The following NXN variants were observed in gnomAD, a reference collection of about 807,000 sequenced individuals.
The protein encoded by NXN is nucleoredoxin.
NXN carries 16 observed loss-of-function variants against 48.6 expected under a neutral mutation model. The observed-to-expected ratio is 0.33, with a 90% CI of 0.22 to 0.50. The LOEUF (loss-of-function observed/expected upper bound fraction) is 0.50. Among genes scored for constraint, NXN ranks in the 20% least tolerant of loss-of-function variants. The pLI, the probability that NXN is intolerant of heterozygous loss-of-function variation, is 0.98. For missense variants in NXN, 492 were observed against 605.5 expected (o/e 0.81, Z 1.97); for synonymous variants, 281 against 269.6 (o/e 1.04, Z -0.41).
In NXN at chr17:800,826, A is replaced by G. The variant is rs944970730; in HGVS notation, c.*123T>C. The G allele has an allele frequency of 1.2e-5, 7 of 572,918 alleles. No individual in the cohort carries two copies. In the Admixed American group the frequency reaches 2.9e-4, roughly 24 times the overall value. 35.5% of individuals were successfully genotyped at this position (572,918 alleles called of 1,614,324 possible). A position where few individuals can be genotyped will look rare whatever the true frequency, so the allele number is the denominator to read the frequency against. On this transcript the variant is annotated 3_prime_UTR_variant, in exon 8 of 8. Transcript: ENST00000336868. ...GTTTACTGCAGAAACAAGGCACCAC[A>G]GAGAGGCTGGACACTTGGGTGGTGG...
At chr17:812,094 A>G (rs1041055674) in intron 5 of NXN, among the ~76,000 whole-genome samples, 1 of 150,284 alleles carries the variant, frequency 6.7e-6, no homozygotes, top group Admixed American at 6.6e-5. Flanking sequence ...CGCCTGGCTA[A>G]TTTTTTGTAT....
At chr17:836,077 C>CG (rs1286871045) in intron 1 of NXN, among the ~76,000 whole-genome samples, 2 of 117,930 alleles carry the variant, frequency 1.7e-5, no homozygotes, top group South Asian at 5.8e-4. Flanking sequence ...ACAGAGGCCG[C>CG]GGGGAAAAAA....
intron 1 of NXN, among the ~76,000 whole-genome samples, chr17:889,196 AGCCCAGC>A (rs2068382436): frequency 6.6e-6 from 1 of 152,138 alleles, no homozygotes. Context: ...CAGAGCAGAA[AGCCCAGC>A]GCCTGCACGT....
At chr17:872,305 T>A (rs669502) in intron 1 of NXN, among the ~76,000 whole-genome samples, 84,496 of 143,128 alleles carry the variant, frequency 0.59, 25,909 homozygotes, top group African/African-American at 0.83. Flanking sequence ...AATCAAAGAC[T>A]AGGAGAGAGA....
chr17:840,365 A>C (rs1002962205), intron 1 of NXN, among the ~76,000 whole-genome samples: 1 of 151,110 alleles, frequency 6.6e-6, no homozygotes, highest in Admixed American at 6.6e-5. Context: ...CTTGAGACGG[A>C]GTCTCGCTCT....
At chr17:818,884 C>CAAAAAAAAAAAAAAAAAA (rs1229405533) in intron 5 of NXN, among the ~76,000 whole-genome samples, 1 of 140,066 alleles carries the variant, frequency 7.1e-6, no homozygotes, top group African/African-American at 2.7e-5. Flanking sequence ...GACTCCGTCT[C>CAAAAAAAAAAAAAAAAAA]AAAAAAAAAA....
At chr17:882,460 GTTTGT>G (rs140223930) in intron 1 of NXN, among the ~76,000 whole-genome samples, 25 of 151,228 alleles carry the variant, frequency 1.7e-4, no homozygotes, top group Middle Eastern at 3.4e-3. Context: ...GGTTTCTTTT[GTTTGT>G]TTTGTTTTGT....
At chr17:847,207 T>C (rs1442319686) in intron 1 of NXN, among the ~76,000 whole-genome samples, 1 of 151,650 alleles carries the variant, frequency 6.6e-6, no homozygotes, top group Non-Finnish European at 1.5e-5. Context: ...TCCTATTTGA[T>C]TGTTATTTCA....
chr17:945,820 G>C lies in NXN; in HGVS notation c.360+33499C>G, dbSNP rs374839250. Among the ~76,000 whole-genome samples the C allele has an allele frequency of 1.2e-4, 18 of 152,242 alleles. 1 individual carries two copies. Among genetic ancestry groups the C allele is most frequent in the African/African-American group, 4.1e-4 (17 of 41,542 alleles). On this transcript the variant is annotated intron_variant, in intron 1 of 7. Transcript: ENST00000336868. ...TGCTTATCTCTCTCCTGAATCCAGA[G>C]TATTCTGCCCTTCACAGAAGTGCTG...
intron 1 of NXN, 42 bp downstream of exon 1, chr17:979,277 C>T (rs781288969): frequency 1.3e-5 from 10 of 796,214 alleles, no homozygotes; most frequent in Admixed American, 5.6e-5. Context: ...GGGTAACGGG[C>T]GTGGGGGGCG....
chr17:923,780 G>A (rs573841725), intron 1 of NXN, among the ~76,000 whole-genome samples: 10 of 152,304 alleles, frequency 6.6e-5, no homozygotes, highest in African/African-American at 9.6e-5. Context: ...ACACAAGTGC[G>A]TTTGATACCA....
rs2068700640 is a variant in NXN, at chr17:917,517, TCTTC to T, written c.360+61798_360+61801del. 2.0e-5 allele frequency among the ~76,000 whole-genome samples: 3 copies of T among 152,198 alleles called. No homozygotes were observed. Among genetic ancestry groups the T allele is most frequent in the African/African-American group, 7.2e-5 (3 of 41,450 alleles). On this transcript the variant is annotated intron_variant, in intron 1 of 7. Transcript: ENST00000336868. This position sits in a 1 kb window ranked among gnomAD's most constrained non-coding sequence, Gnocchi z 4.5. Reference sequence around the variant, plus strand: ...CTGTGGAAACCACACCAGCTCCTCCTCTTCCTTCTGGACCTGCTGTCCCACCCTA... The same window carrying T: ...CTGTGGAAACCACACCAGCTCCTCCTCTTCTGGACCTGCTGTCCCACCCTA...
chr17:934,261 C>T (rs1316507467), intron 1 of NXN, among the ~76,000 whole-genome samples: 5 of 151,780 alleles, frequency 3.3e-5, no homozygotes, highest in Admixed American at 1.3e-4. Flanking sequence ...CTGGCTAACA[C>T]GGTGAAACCC....
intron 3 of NXN, among the ~76,000 whole-genome samples, chr17:823,007 G>A (rs1202670155): frequency 2.6e-5 from 4 of 151,990 alleles, no homozygotes; most frequent in Admixed American, 6.6e-5. Flanking sequence ...AGCTGAGGCC[G>A]AAGAATCACT....
chr17:854,100 G>A (rs1051604161), intron 1 of NXN, among the ~76,000 whole-genome samples: 11 of 152,138 alleles, frequency 7.2e-5, no homozygotes, highest in African/African-American at 2.2e-4. Flanking sequence ...AGGCCAGGGA[G>A]ATACTTAGCT....
intron 1 of NXN, among the ~76,000 whole-genome samples, chr17:872,546 G>A (rs553060917): frequency 1.3e-4 from 20 of 151,410 alleles, no homozygotes; most frequent in African/African-American, 4.4e-4. Flanking sequence ...GAGTGAGCTA[G>A]AGGGTACCCT....
intron 1 of NXN, among the ~76,000 whole-genome samples, chr17:953,521 C>T (rs2069135540): frequency 6.6e-6 from 1 of 152,186 alleles, no homozygotes; most frequent in Admixed American, 6.5e-5. Context: ...ACAGGAGAAA[C>T]ATTTTTATAA....
At chr17:880,208 G>C (rs986522313) in intron 1 of NXN, 3 of 152,162 alleles carry the variant, frequency 2.0e-5, no homozygotes, top group Non-Finnish European at 2.9e-5. Flanking sequence ...ACCCACCCTT[G>C]GGCGAATCAT....
At chr17:888,784 G>A (rs1465235982) in intron 1 of NXN, among the ~76,000 whole-genome samples, 4 of 151,502 alleles carry the variant, frequency 2.6e-5, no homozygotes, top group African/African-American at 4.9e-5. Context: ...GAGAAACCCC[G>A]TCTCTACTAA....
Sources: gnomAD v4.1 joint callset for allele counts (sites outside exome capture counted in the v4.1 genomes callset) on GRCh38, gnomAD v4.1.1 for gene constraint, Gnocchi (gnomAD v3.1) non-coding constraint, MANE v1.5 for transcripts, NCBI Gene and HGNC (gene_info 2026-07-23, HGNC 2026-07-21) for gene names.